Variants in SOX5 observed in about 807,000 individuals in gnomAD.
The protein encoded by SOX5 is transcription factor SOX-5.
A neutral mutation model predicts 92.0 loss-of-function variants in SOX5; 9 were observed. That is an observed-to-expected ratio of 0.10 (90% confidence interval 0.06 to 0.17). The LOEUF (loss-of-function observed/expected upper bound fraction) is 0.17, where lower values mean the gene tolerates loss of function less well. Among genes scored for constraint, SOX5 ranks in the 10% least tolerant of loss-of-function variants. The pLI is 1.00. For missense variants in SOX5, 642 were observed against 944.5 expected, an observed-to-expected ratio of 0.68 and a Z score of 4.20; for synonymous variants, 344 against 336.3, an observed-to-expected ratio of 1.02 and a Z score of -0.25.
chr12:24,119,568 A>C (rs1054590018), intron 4 of SOX5, among the ~76,000 whole-genome samples: 5 of 152,150 alleles, frequency 3.3e-5, no homozygotes, highest in Non-Finnish European at 5.9e-5. Flanking sequence ...AATTTACCCT[A>C]ATTTTATACT....
At chr12:24,487,052 G>A (rs1946596763) in intron 1 of SOX5, among the ~76,000 whole-genome samples, 1 of 152,122 alleles carries the variant, frequency 6.6e-6, no homozygotes, top group Non-Finnish European at 1.5e-5. Flanking sequence ...CAGGGACACA[G>A]CCTTCTAGCA....
intron 1 of SOX5, among the ~76,000 whole-genome samples, chr12:23,934,554 A>G (rs544452315): frequency 6.6e-6 from 1 of 150,510 alleles, no homozygotes; most frequent in South Asian, 2.1e-4. Context: ...TCATCCTCTT[A>G]AGCAGCCATA....
intron 1 of SOX5, among the ~76,000 whole-genome samples, chr12:24,528,441 A>G (rs887040817): frequency 4.6e-5 from 7 of 152,252 alleles, no homozygotes; most frequent in African/African-American, 1.7e-4. Context: ...AAAAGTTGAA[A>G]GAGTATCCTG....
intron 5 of SOX5, among the ~76,000 whole-genome samples, chr12:23,736,748 T>A (rs934776050): frequency 1.3e-5 from 2 of 150,350 alleles, no homozygotes; most frequent in Admixed American, 1.3e-4. Context: ...TGCAGTGCAA[T>A]GGCGCGATCT....
chr12:24,401,599 A>G (rs1345083147), intron 1 of SOX5, among the ~76,000 whole-genome samples: 2 of 150,784 alleles, frequency 1.3e-5, no homozygotes, highest in Non-Finnish European at 2.9e-5. Flanking sequence ...AGTCTCTGCT[A>G]CTGGGGAGAC....
chr12:24,243,314 AT>A (rs1448510745), intron 3 of SOX5, among the ~76,000 whole-genome samples: 1 of 152,092 alleles, frequency 6.6e-6, no homozygotes, highest in Non-Finnish European at 1.5e-5. Context: ...GTAAAGTTGC[AT>A]TTGTTTCATA....
intron 4 of SOX5, among the ~76,000 whole-genome samples, chr12:24,186,667 A>C (rs1594063097): frequency 6.6e-6 from 1 of 152,268 alleles, no homozygotes; most frequent in East Asian, 1.9e-4. Context: ...CTATATAAAA[A>C]AAGTATATGC....
chr12:24,474,680 C>T (rs1348632129), intron 1 of SOX5, among the ~76,000 whole-genome samples: 5 of 151,482 alleles, frequency 3.3e-5, no homozygotes, highest in Admixed American at 6.6e-5. Flanking sequence ...GGATTACAGG[C>T]GTGCACCACC....
chr12:24,138,887 C>A (rs927146748), intron 4 of SOX5, among the ~76,000 whole-genome samples: 26 of 152,100 alleles, frequency 1.7e-4, no homozygotes, highest in African/African-American at 5.6e-4. Flanking sequence ...GTGTGTATCC[C>A]AGGCAACATA....
At chr12:23,741,145 A>G (rs1374446117) in intron 4 of SOX5, 106 bp from the exon 5 acceptor site, 1 of 749,446 alleles carries the variant, frequency 1.3e-6, no homozygotes, top group African/African-American at 1.8e-5. Context: ...ATAAAGTTCA[A>G]TAAACACAAA....
intron 4 of SOX5, among the ~76,000 whole-genome samples, chr12:24,070,569 CTTTA>C (rs1264897656): frequency 6.7e-6 from 1 of 150,178 alleles, no homozygotes; most frequent in Non-Finnish European, 1.5e-5. Flanking sequence ...CCTTTTTCAT[CTTTA>C]TTTATTGTTT....
chr12:23,658,638 T>A (rs1246656712), intron 7 of SOX5, among the ~76,000 whole-genome samples: 2 of 152,124 alleles, frequency 1.3e-5, no homozygotes, highest in African/African-American at 4.8e-5. Context: ...CATGCCTTAA[T>A]CCTAACACTT....
intron 2 of SOX5, 124 bp downstream of exon 2, chr12:23,895,669 G>T: frequency 1.5e-6 from 1 of 684,966 alleles, no homozygotes; most frequent in East Asian, 2.5e-5. Flanking sequence ...GACGCCAGGG[G>T]TGAATCTTGT....
At chr12:24,383,350 A>G (rs1596129400) in intron 1 of SOX5, among the ~76,000 whole-genome samples, 1 of 152,246 alleles carries the variant, frequency 6.6e-6, no homozygotes, top group East Asian at 1.9e-4. Flanking sequence ...TTCTATACAG[A>G]TAAATCATAA....
chr12:24,432,146 T>C (rs1325050176), intron 1 of SOX5, among the ~76,000 whole-genome samples: 1 of 152,190 alleles, frequency 6.6e-6, no homozygotes, highest in Non-Finnish European at 1.5e-5. Flanking sequence ...TTTCTAAATG[T>C]CCTTGGTGTA....
intron 3 of SOX5, among the ~76,000 whole-genome samples, chr12:23,804,281 G>T (rs2095716326): frequency 6.6e-6 from 1 of 152,016 alleles, no homozygotes; most frequent in South Asian, 2.1e-4. Flanking sequence ...TCACACTATA[G>T]TATCTCCAAT....
At chr12:24,104,376 G>A (rs1044982151) in intron 4 of SOX5, among the ~76,000 whole-genome samples, 1 of 152,186 alleles carries the variant, frequency 6.6e-6, no homozygotes, top group African/African-American at 2.4e-5. Flanking sequence ...CCATTGGAAA[G>A]GATACTGTTA....
intron 9 of SOX5, among the ~76,000 whole-genome samples, chr12:23,600,308 G>A (rs1485931884): frequency 4.0e-5 from 6 of 151,758 alleles, no homozygotes; most frequent in South Asian, 2.1e-4. Context: ...TAATATCTGC[G>A]AAGAGCTAAA....
intron 2 of SOX5, among the ~76,000 whole-genome samples, chr12:23,858,123 G>T (rs1488706598): frequency 6.6e-6 from 1 of 151,772 alleles, no homozygotes; most frequent in Admixed American, 6.6e-5. Flanking sequence ...TGTGCACTTT[G>T]TTGTTTTTTT....
Sources: gnomAD v4.1 joint callset for allele counts (sites outside exome capture counted in the v4.1 genomes callset) on GRCh38, gnomAD v4.1.1 for gene constraint, MANE v1.5 for transcripts, NCBI Gene and HGNC (gene_info 2026-07-23, HGNC 2026-07-21) for gene names.